The following LMBR1 variants were observed in gnomAD, a reference collection of about 807,000 sequenced individuals.
LMBR1 encodes the protein limb development membrane protein 1, also known as limb region 1 protein homolog.
In LMBR1, 52 loss-of-function variants were observed where a neutral mutation model predicts 73.9. That is an observed-to-expected ratio of 0.70 (90% CI 0.56 to 0.89). The LOEUF is 0.89. LMBR1 is among the 40% of genes least tolerant of loss of function. LMBR1 has a pLI of 0.00. For synonymous variants in LMBR1, 215 were observed against 209.4 expected (o/e 1.03, Z -0.23); for missense variants, 539 against 579.8 (o/e 0.93, Z 0.72).
At chr7:156,830,102 T>G (rs888674202) in intron 3 of LMBR1, among the ~76,000 whole-genome samples, 1 of 152,218 alleles carries the variant, frequency 6.6e-6, no homozygotes, top group African/African-American at 2.4e-5. Context: ...TGACCTTCTA[T>G]GACATTTCAA....
chr7:156,773,636 T>C (rs918142261), intron 5 of LMBR1, among the ~76,000 whole-genome samples: 9 of 152,184 alleles, frequency 5.9e-5, no homozygotes, highest in African/African-American at 2.2e-4. Context: ...CTGGGATAAC[T>C]AGCTAGCCAT....
chr7:156,794,250 T>A (rs921139074), intron 5 of LMBR1, among the ~76,000 whole-genome samples: 2 of 152,170 alleles, frequency 1.3e-5, no homozygotes, highest in Non-Finnish European at 2.9e-5. Flanking sequence ...TGGTCAAAGA[T>A]GTGCTAAGAA....
At chr7:156,826,001 T>C (rs1835620692) in intron 4 of LMBR1, among the ~76,000 whole-genome samples, 1 of 152,226 alleles carries the variant, frequency 6.6e-6, no homozygotes, top group Admixed American at 6.5e-5. Flanking sequence ...TCTTTTGAGA[T>C]GGAGTTTCAC....
chr7:156,810,717 G>A (rs991657990), intron 4 of LMBR1, among the ~76,000 whole-genome samples: 1 of 151,922 alleles, frequency 6.6e-6, no homozygotes, highest in Admixed American at 6.6e-5. Context: ...TCAACATGAG[G>A]TATGGGGGAA....
downstream of LMBR1, chr7:156,676,329 TC>T: frequency 6.2e-7 from 1 of 1,613,108 alleles, no homozygotes; most frequent in Non-Finnish European, 8.5e-7. Context: ...GACCCATGTC[TC>T]GGGGCACATG....
intron 1 of LMBR1, among the ~76,000 whole-genome samples, chr7:156,838,169 A>G (rs1180272689): frequency 1.3e-5 from 2 of 152,164 alleles, no homozygotes; most frequent in African/African-American, 4.8e-5. Flanking sequence ...TACATTGTGG[A>G]ATGGCTCAAT....
At chr7:156,738,765 G>A (rs1397190569) in intron 9 of LMBR1, among the ~76,000 whole-genome samples, 2 of 152,070 alleles carry the variant, frequency 1.3e-5, no homozygotes, top group African/African-American at 4.8e-5. Flanking sequence ...AGTTCTGGGA[G>A]GATCCATCAC....
At chr7:156,880,135 T>C (rs1373465241) in intron 1 of LMBR1, among the ~76,000 whole-genome samples, 1 of 152,164 alleles carries the variant, frequency 6.6e-6, no homozygotes, top group African/African-American at 2.4e-5. Flanking sequence ...ATAGAAACTG[T>C]GGTATATGTA....
chr7:156,729,403 A>G (rs1816400359), intron 10 of LMBR1, among the ~76,000 whole-genome samples: 1 of 151,054 alleles, frequency 6.6e-6, no homozygotes, highest in Non-Finnish European at 1.5e-5. Flanking sequence ...TGTATTTCAT[A>G]TAGATCTACA....
At position 156,762,135 on chromosome 7, in the gene LMBR1, G is replaced by A. The variant is rs1446887359; in HGVS notation, c.683C>T (p.Thr228Ile). The change falls in exon 8 of 17, where the codon ACA (threonine) becomes ATA (isoleucine). Residue 228 changes from threonine to isoleucine, a missense_variant and splice_region_variant. Physicochemically the swap from Thr to Ile is moderately conservative, Grantham distance 89 (BLOSUM62 -1). Around this residue, in one of 3 missense-constraint regions of LMBR1, gnomAD observed 454 missense variants for 473.4 expected, o/e 0.96. Transcript: ENST00000353442. ...TVMGQLLVKPTILEDLDEQIY... is the reference protein window; with the variant it reads ...TVMGQLLVKPIILEDLDEQIY... Reference sequence around the variant, plus strand: ...AATGATTTATAATTAAATACTTACTGTTGGCTTCACTAGCAACTGACCCAT... The same window carrying A: ...AATGATTTATAATTAAATACTTACTATTGGCTTCACTAGCAACTGACCCAT... The A allele has an allele frequency of 2.5e-6, 4 of 1,576,354 alleles. No individual in the cohort carries two copies. In the East Asian group the frequency reaches 9.0e-5, roughly 35 times the overall value.
intron 1 of LMBR1, among the ~76,000 whole-genome samples, chr7:156,854,417 A>T (rs1286387132): frequency 6.6e-6 from 1 of 152,234 alleles, no homozygotes; most frequent in African/African-American, 2.4e-5. Flanking sequence ...CTCAGAGTAA[A>T]GATTAGGGAA....
intron 1 of LMBR1, among the ~76,000 whole-genome samples, chr7:156,855,689 C>T (rs981982161): frequency 2.9e-5 from 4 of 138,340 alleles, no homozygotes; most frequent in African/African-American, 1.1e-4. Flanking sequence ...AAAAAAAAAC[C>T]TATGTCTAGG....
At chr7:156,843,937 C>T (rs1458140128) in intron 1 of LMBR1, among the ~76,000 whole-genome samples, 1 of 151,682 alleles carries the variant, frequency 6.6e-6, no homozygotes, top group Non-Finnish European at 1.5e-5. Flanking sequence ...AACCAAAATG[C>T]ATTGGATAAG....
chr7:156,777,937 G>A (rs962122784), intron 5 of LMBR1, among the ~76,000 whole-genome samples: 5 of 151,928 alleles, frequency 3.3e-5, no homozygotes, highest in African/African-American at 1.2e-4. Context: ...CCTGAGCCTC[G>A]GTCCAGTCAA....
chr7:156,718,610 GC>G (rs1454876918), intron 15 of LMBR1, among the ~76,000 whole-genome samples: 1 of 151,940 alleles, frequency 6.6e-6, no homozygotes, highest in African/African-American at 2.4e-5. Context: ...GTAAGTAGCT[GC>G]CAGTAGTCCC....
rs549353702 is a variant in LMBR1 at position 156,873,308 on chromosome 7, G to A, written c.66+19620C>T. ...GCGTCTGGAGTTGTTCATTCCTCCC[G>A]GTGGGCTCCTGGTCTCGCTGGGCTC... On this transcript the variant is annotated intron_variant, in intron 1 of 16. Transcript: ENST00000353442. Among the ~76,000 whole-genome samples, 12 of 151,918 alleles carry A rather than the reference G, an allele frequency of 7.9e-5. 1 individual carries two copies. The highest frequency in any genetic ancestry group is 3.9e-4 in the East Asian group (2 of 5,178).
chr7:156,805,601 G>A lies in LMBR1; in HGVS notation c.320-9109C>T, dbSNP rs568831801. Among the ~76,000 whole-genome samples, 216 of 152,296 alleles carry A rather than the reference G, an allele frequency of 1.4e-3. 1 individual carries two copies. The highest frequency in any genetic ancestry group is 2.3e-3 in the Non-Finnish European group (155 of 68,022). On this transcript the variant is annotated intron_variant, in intron 4 of 16. Coordinates refer to ENST00000353442, the MANE Select transcript of LMBR1 (RefSeq NM_022458.4). ...TCTAACTTTGTTATCTTTCAAAGTT[G>A]TTTAGGCTATTCTAAGTCCATAGAA...
chr7:156,891,509 C>A (rs1353881824), intron 1 of LMBR1, among the ~76,000 whole-genome samples: 2 of 151,922 alleles, frequency 1.3e-5, no homozygotes. Flanking sequence ...AAAAACTAAT[C>A]TATGATATTA....
intron 4 of LMBR1, among the ~76,000 whole-genome samples, chr7:156,814,910 A>G (rs1833659008): frequency 1.3e-5 from 2 of 152,126 alleles, no homozygotes; most frequent in South Asian, 2.1e-4. Context: ...TAATCCCATC[A>G]CTTTAGGAGG....
Sources: allele counts gnomAD v4.1 joint callset (sites outside exome capture counted in the v4.1 genomes callset), GRCh38; gene constraint gnomAD v4.1.1; regional missense constraint gnomAD v4.1.1; transcripts MANE v1.5; gene names NCBI Gene and HGNC (gene_info 2026-07-23, HGNC 2026-07-21).